Variants in SARDH observed in about 807,000 individuals in gnomAD.
SARDH encodes the protein sarcosine dehydrogenase, mitochondrial.
In SARDH, 95 loss-of-function variants were observed where a neutral mutation model predicts 109.1. The observed-to-expected ratio is 0.87, with a 90% CI of 0.74 to 1.03. The LOEUF (loss-of-function observed/expected upper bound fraction) is 1.03. Ranked by LOEUF, SARDH falls within the 50% of genes least tolerant of loss-of-function variation. SARDH has a pLI of 0.00. For synonymous variants in SARDH, 572 were observed against 534.8 expected, an observed-to-expected ratio of 1.07 and a Z score of -0.96; for missense variants, 1,267 against 1,287.8, an observed-to-expected ratio of 0.98 and a Z score of 0.25.
At chr9:133,715,112 C>A (rs2427984) in intron 8 of SARDH, among the ~76,000 whole-genome samples, 9 of 151,962 alleles carry the variant, frequency 5.9e-5, no homozygotes, top group African/African-American at 2.2e-4. Flanking sequence ...CCTGCCCTCC[C>A]AGGCGCTCCC....
intron 17 of SARDH, 89 bp downstream of exon 17, chr9:133,685,104 C>G: frequency 8.7e-7 from 1 of 1,152,980 alleles, no homozygotes; most frequent in South Asian, 1.4e-5. Context: ...GGAACCTGCC[C>G]GAGAGCCCCC....
chr9:133,661,291 G>C (rs1242822023), downstream of SARDH, among the ~76,000 whole-genome samples: 6 of 150,676 alleles, frequency 4.0e-5, no homozygotes, highest in African/African-American at 1.5e-4. Context: ...AGTGAGCTGA[G>C]ATCACACCAC....
intron 11 of SARDH, among the ~76,000 whole-genome samples, chr9:133,705,561 C>CG (rs1831665116): frequency 6.6e-6 from 1 of 150,506 alleles, no homozygotes; most frequent in Non-Finnish European, 1.5e-5. Flanking sequence ...CCTGAGAACC[C>CG]CATCTGTAGA....
downstream of SARDH, among the ~76,000 whole-genome samples, chr9:133,661,580 C>T (rs1251270139): frequency 6.6e-6 from 1 of 151,854 alleles, no homozygotes; most frequent in Admixed American, 6.5e-5. Flanking sequence ...TTCCTGGGTT[C>T]AAGCAATTCT....
chr9:133,706,809 G>C (rs1262724425), intron 11 of SARDH, among the ~76,000 whole-genome samples: 1 of 152,128 alleles, frequency 6.6e-6, no homozygotes, highest in Non-Finnish European at 1.5e-5. Flanking sequence ...GGCAGCATCT[G>C]GTTCCAGATG....
chr9:133,712,951 C>T lies in SARDH; in HGVS notation c.1237+87G>A, dbSNP rs949581872. ...CTGTCCCCACCACTGTCGGGGGCCA[C>T]GGTGCTCCTGCGCCCGCCTCCCCCA... is the stretch of plus-strand genomic sequence containing the variant. On this transcript the variant is annotated intron_variant, in intron 9 of 20. Coordinates refer to ENST00000439388, the MANE Select transcript of SARDH (RefSeq NM_001134707.2). This position sits in a 1 kb window ranked among gnomAD's most constrained non-coding sequence, Gnocchi z 4.1. 1.3e-5 allele frequency: 18 copies of T among 1,343,782 alleles called. No homozygotes were observed. The highest frequency in any genetic ancestry group is 7.9e-5 in the Admixed American group (4 of 50,718). The allele number at this position is 1,343,782 out of a possible 1,614,324, so 83.2% of individuals were successfully genotyped here. A position where few individuals can be genotyped will look rare whatever the true frequency, so the allele number is the denominator to read the frequency against.
rs1376751239 is a variant in SARDH at position 133,704,663 on chromosome 9, C to T, written c.1554+285G>A. Among the ~76,000 whole-genome samples, 1 of 152,256 alleles carries T rather than the reference C, an allele frequency of 6.6e-6. No individual in the cohort carries two copies. The highest frequency in any genetic ancestry group is 1.5e-5 in the Non-Finnish European group (1 of 68,044). On this transcript the variant is annotated intron_variant, in intron 12 of 20. Coordinates refer to ENST00000439388, the MANE Select transcript of SARDH (RefSeq NM_001134707.2). The surrounding 1 kb of genome is among the most constrained non-coding windows in gnomAD (Gnocchi z 4.5). ...TCCCCACCGCAGGACACCCCTTCTGCTCTGCCTACAGCCCTTCCCACTTAG... is the reference window on the plus strand; with the variant it reads ...TCCCCACCGCAGGACACCCCTTCTGTTCTGCCTACAGCCCTTCCCACTTAG...
downstream of SARDH, among the ~76,000 whole-genome samples, chr9:133,662,165 T>A (rs1222287159): frequency 6.6e-6 from 1 of 151,902 alleles, no homozygotes; most frequent in Non-Finnish European, 1.5e-5. This position sits in a 1 kb window ranked among gnomAD's most constrained non-coding sequence, Gnocchi z 5.1. Flanking sequence ...TGCTGGGTTC[T>A]CTCTCCTCGG....
intron 19 of SARDH, chr9:133,667,121 G>C (rs1338498439): frequency 3.5e-6 from 2 of 576,620 alleles, no homozygotes; most frequent in Admixed American, 6.1e-5. Context: ...GGACTTTGCT[G>C]TTTCCAGAAG....
intron 17 of SARDH, among the ~76,000 whole-genome samples, chr9:133,679,953 C>T (rs566359492): frequency 9.1e-4 from 139 of 152,344 alleles, no homozygotes; most frequent in African/African-American, 3.1e-3. Context: ...CGCAGGCACA[C>T]GCATTCCTCG....
intron 15 of SARDH, among the ~76,000 whole-genome samples, chr9:133,690,949 G>T (rs888480841): frequency 6.6e-6 from 1 of 152,038 alleles, no homozygotes; most frequent in Non-Finnish European, 1.5e-5. Flanking sequence ...GGCCCCACAG[G>T]GCTATTGGAA....
intron 17 of SARDH, among the ~76,000 whole-genome samples, chr9:133,682,971 C>A (rs1427292855): frequency 6.6e-6 from 1 of 152,158 alleles, no homozygotes; most frequent in Admixed American, 6.5e-5. Context: ...TTTTACAACA[C>A]CAGTGATTTT....
chr9:133,712,285 C>A lies in SARDH; in HGVS notation c.1328+334G>T, dbSNP rs142815998. 6.6e-6 allele frequency among the ~76,000 whole-genome samples: 1 copy of A among 152,150 alleles called. No homozygotes were observed. Among genetic ancestry groups the A allele is most frequent in the South Asian group, 2.1e-4 (1 of 4,826 alleles). ...TACACACTCAGCACAGTTTTCCCAG[C>A]TCAGCCCCGCTCCCTCCTGCCCCCA... On this transcript the variant is annotated intron_variant, in intron 10 of 20. Coordinates refer to ENST00000439388, the MANE Select transcript of SARDH (RefSeq NM_001134707.2). This position sits in a 1 kb window ranked among gnomAD's most constrained non-coding sequence, Gnocchi z 4.1.
rs746197445 is a variant in SARDH, at chr9:133,729,801, A to T, written c.879T>A (p.His293Gln). The T allele has an allele frequency of 6.8e-6, 11 of 1,612,800 alleles. No individual in the cohort carries two copies. The highest frequency in any genetic ancestry group is 6.7e-5 in the Admixed American group (4 of 59,994). ...CGATGCGCTCGGTGACGACATAGGC[A>T]TGGTGCATGGCCACCAGCGGGACCT... ...GVKVPLVAMH[H>Q]AYVVTERIEG... The change falls in exon 6 of 21, where the codon CAT (histidine) becomes CAA (glutamine). Residue 293 changes from histidine to glutamine, a missense_variant. Physicochemically the swap from His to Gln is conservative, Grantham distance 24. Coordinates refer to ENST00000439388, the MANE Select transcript of SARDH (RefSeq NM_001134707.2).
At chr9:133,671,317 C>T (rs1830338205) in intron 18 of SARDH, among the ~76,000 whole-genome samples, 1 of 151,924 alleles carries the variant, frequency 6.6e-6, no homozygotes. Flanking sequence ...CAACACTGTC[C>T]CTGGGGCCCT....
rs766819920 is a variant in SARDH at position 133,709,749 on chromosome 9, C to G, written c.1329-1321G>C. 1.3e-5 allele frequency among the ~76,000 whole-genome samples: 2 copies of G among 152,184 alleles called. No individual in the cohort carries two copies. Among genetic ancestry groups the G allele is most frequent in the African/African-American group, 2.4e-5 (1 of 41,442 alleles). ...CTGCTGTGGGAGGAAATCCCTCTCT[C>G]TTTGTCCCCAGAGCTGCCTTCTGCA... On this transcript the variant is annotated intron_variant, in intron 10 of 20. Transcript: ENST00000439388. The surrounding 1 kb of genome is among the most constrained non-coding windows in gnomAD (Gnocchi z 4.2).
downstream of SARDH, among the ~76,000 whole-genome samples, chr9:133,662,227 C>A (rs572699418): frequency 6.6e-6 from 1 of 152,264 alleles, no homozygotes; most frequent in East Asian, 1.9e-4. This position sits in a 1 kb window ranked among gnomAD's most constrained non-coding sequence, Gnocchi z 5.1. Flanking sequence ...GGTGCCGTTG[C>A]GTGCATTCCC....
At chr9:133,661,960 T>C (rs1832423493), downstream of SARDH, among the ~76,000 whole-genome samples, 2 of 152,178 alleles carry the variant, frequency 1.3e-5, no homozygotes, top group Non-Finnish European at 2.9e-5. Context: ...TCTTTTGTGA[T>C]GTGGTCCCCG....
chr9:133,733,902 C>T lies in SARDH; in HGVS notation c.272G>A (p.Ser91Asn), dbSNP rs1406679867. 2 of 1,546,344 alleles carry T rather than the reference C, an allele frequency of 1.3e-6. No homozygotes were observed. The highest frequency in any genetic ancestry group is 1.9e-5 in the Admixed American group (1 of 52,380). The change falls in exon 2 of 21, where the codon AGT (serine) becomes AAT (asparagine). Residue 91 changes from serine (S) to asparagine (N), a missense_variant. Coordinates refer to ENST00000439388, the MANE Select transcript of SARDH (RefSeq NM_001134707.2). ...TLYHLAKLGMSGAVLLERERL... is the reference protein window; with the variant it reads ...TLYHLAKLGMNGAVLLERERL... ...CTCCCGCTCCAGCAGCACCGCCCCA[C>T]TCATGCCCAGCTTGGCCAGGTGGTA...
Sources: gnomAD v4.1 joint callset for allele counts (sites outside exome capture counted in the v4.1 genomes callset) on GRCh38, gnomAD v4.1.1 for gene constraint, Gnocchi (gnomAD v3.1) non-coding constraint, MANE v1.5 for transcripts, NCBI Gene and HGNC (gene_info 2026-07-23, HGNC 2026-07-21) for gene names.